Variants in DCP1B observed in about 807,000 individuals in gnomAD.
The protein encoded by DCP1B is mRNA-decapping enzyme 1B.
Under a neutral mutation model 60.5 loss-of-function variants are expected in DCP1B, and 47 were observed. The ratio of observed to expected loss-of-function variants is 0.78; its 90% CI spans 0.61 to 0.99. The LOEUF is 0.99. DCP1B is among the 50% of genes least tolerant of loss of function. The probability of loss-of-function intolerance (pLI) is 0.00; values close to 1 mark genes in which losing one functional copy is unlikely to be tolerated. For synonymous variants in DCP1B, 267 were observed against 280.3 expected (o/e 0.95, Z 0.47); for missense variants, 725 against 756.8 (o/e 0.96, Z 0.49).
chr12:1,955,451 CGCTGTT>C lies in DCP1B; in HGVS notation c.626_631del (p.Gln209_Gln210del). ...CCGTACCTGGTTGGGCTGAGGTATACGCTGTTGCTGGTTTTCACTGGGTTTCACTGG... is the reference window on the plus strand; with the variant it reads ...CCGTACCTGGTTGGGCTGAGGTATACGCTGGTTTTCACTGGGTTTCACTGG... On this transcript the variant is annotated inframe_deletion, in exon 6 of 9. Coordinates refer to ENST00000280665, the MANE Select transcript of DCP1B (RefSeq NM_152640.5). 6.2e-7 allele frequency: 1 copy of C among 1,613,478 alleles called. No individual in the cohort carries two copies.
rs897234427 is a variant in DCP1B, at chr12:1,953,399, T to C, written c.652-111A>G. On this transcript the variant is annotated intron_variant, in intron 6 of 8. Coordinates refer to ENST00000280665, the MANE Select transcript of DCP1B (RefSeq NM_152640.5). The stretch of plus-strand genomic sequence containing the variant: ...CTTATTCTATTTACAAAGGATTGAT[T>C]AGAGAGAATGAAAAATAATAATAAT... 7 of 1,230,862 alleles carry C rather than the reference T, an allele frequency of 5.7e-6. No homozygotes were observed. The African/African-American group carries it at 1.1e-4, about 19-fold the overall frequency. The allele number at this position is 1,230,862 out of a possible 1,614,324, so 76.2% of individuals were successfully genotyped here.
Position 1,949,076 on chromosome 12 carries a change from G to A in DCP1B, c.1773+10C>T, listed in dbSNP as rs372610087. ...GGTCAGGTGCGAAGGGAGATGACGT[G>A]CTTGCTTACCTGAATGAGGTACAGC... On this transcript the variant is annotated intron_variant, in intron 8 of 8. Coordinates refer to ENST00000280665, the MANE Select transcript of DCP1B (RefSeq NM_152640.5). The A allele has an allele frequency of 8.7e-6, 14 of 1,607,884 alleles. No individual in the cohort carries two copies. Among genetic ancestry groups the A allele is most frequent in the Non-Finnish European group, 9.4e-6 (11 of 1,174,960 alleles).
intron 3 of DCP1B, among the ~76,000 whole-genome samples, chr12:1,987,564 G>C (rs564533716): frequency 6.6e-6 from 1 of 151,986 alleles, no homozygotes; most frequent in South Asian, 2.1e-4. Context: ...TTACATCTAC[G>C]ACAGTTCTTT....
At chr12:1,995,054 C>T (rs2040466498) in intron 2 of DCP1B, among the ~76,000 whole-genome samples, 1 of 152,022 alleles carries the variant, frequency 6.6e-6, no homozygotes, top group South Asian at 2.1e-4. Flanking sequence ...GGAGAAAAGA[C>T]TAAAAAACAG....
Position 1,996,658 on chromosome 12 carries a change from AC to A in DCP1B, c.191+1276del, listed in dbSNP as rs1327089884. 4.7e-3 allele frequency among the ~76,000 whole-genome samples: 351 copies of A among 73,966 alleles called. 27 individuals carry two copies. The highest frequency in any genetic ancestry group is 6.3e-3 in the Non-Finnish European group (231 of 36,774). 48.5% of individuals were successfully genotyped at this position (73,966 alleles called of 152,430 possible). On this transcript the variant is annotated intron_variant, in intron 2 of 8. Transcript: ENST00000280665. Reference sequence around the variant, plus strand: ...AAAAAAAAAAAAAAAAAAAAAAACAACAAACTCTTCTAATGTTTTAAAGAAG... The same window carrying A: ...AAAAAAAAAAAAAAAAAAAAAAACAAAAACTCTTCTAATGTTTTAAAGAAG...
At chr12:1,980,390 G>A (rs1248860831) in intron 3 of DCP1B, among the ~76,000 whole-genome samples, 4 of 151,988 alleles carry the variant, frequency 2.6e-5, no homozygotes, top group East Asian at 3.9e-4. Flanking sequence ...TTTTAAAAGC[G>A]TCTTTTCAAA....
At chr12:1,964,116 T>A (rs990484037) in intron 5 of DCP1B, among the ~76,000 whole-genome samples, 1 of 152,170 alleles carries the variant, frequency 6.6e-6, no homozygotes, top group Non-Finnish European at 1.5e-5. Flanking sequence ...TTGCAGTTCT[T>A]TTTGTCCTTA....
At chr12:1,944,995 C>A (rs979585078), downstream of DCP1B, among the ~76,000 whole-genome samples, 1 of 152,132 alleles carries the variant, frequency 6.6e-6, no homozygotes, top group Non-Finnish European at 1.5e-5. Context: ...AATGAACAGG[C>A]AACCTACAGA....
chr12:1,977,383 C>T (rs1419572210), intron 3 of DCP1B, among the ~76,000 whole-genome samples: 1 of 152,150 alleles, frequency 6.6e-6, no homozygotes, highest in African/African-American at 2.4e-5. Flanking sequence ...TTGGAAAGCT[C>T]GACAACTTTG....
chr12:1,946,159 C>T lies in DCP1B; in HGVS notation c.*47G>A, dbSNP rs774942946. The T allele has an allele frequency of 1.4e-5, 19 of 1,393,044 alleles. No individual in the cohort carries two copies. Among genetic ancestry groups the T allele is most frequent in the South Asian group, 6.2e-5 (4 of 64,842 alleles). 86.3% of individuals were successfully genotyped at this position (1,393,044 alleles called of 1,614,324 possible). On this transcript the variant is annotated 3_prime_UTR_variant, in exon 9 of 9. Coordinates refer to ENST00000280665, the MANE Select transcript of DCP1B (RefSeq NM_152640.5). ...CACTCAACATGAAAGAACCTTGTGC[C>T]GGAGTTCTAGAAGGACCTTGAAAAT...
At chr12:2,002,717 G>C (rs907966332) in intron 1 of DCP1B, among the ~76,000 whole-genome samples, 1 of 152,048 alleles carries the variant, frequency 6.6e-6, no homozygotes, top group Non-Finnish European at 1.5e-5. Flanking sequence ...TACATCCCTG[G>C]TCCTCATCTC....
chr12:1,947,085 A>C (rs1271686996), intron 8 of DCP1B, among the ~76,000 whole-genome samples: 1 of 152,196 alleles, frequency 6.6e-6, no homozygotes, highest in African/African-American at 2.4e-5. Context: ...TACTTCATCA[A>C]AGCTAATATA....
At chr12:1,980,997 T>C (rs992808156) in intron 3 of DCP1B, among the ~76,000 whole-genome samples, 1 of 152,126 alleles carries the variant, frequency 6.6e-6, no homozygotes, top group African/African-American at 2.4e-5. Context: ...AAAATTTATA[T>C]TATATATATG....
At chr12:1,983,705 C>T (rs2036816409) in intron 3 of DCP1B, among the ~76,000 whole-genome samples, 1 of 151,960 alleles carries the variant, frequency 6.6e-6, no homozygotes, top group African/African-American at 2.4e-5. Context: ...TGCTGTCATT[C>T]GATAGAATAT....
chr12:1,949,009 G>T, intron 8 of DCP1B, 77 bp downstream of exon 8: 1 of 1,554,304 alleles, frequency 6.4e-7, no homozygotes. Flanking sequence ...GGCCTTGGCT[G>T]AGTCTTTATC....
intron 3 of DCP1B, chr12:1,991,940 G>C (rs1254245108): frequency 5.6e-6 from 1 of 177,724 alleles, no homozygotes; most frequent in African/African-American, 2.4e-5. Context: ...ATTTTATTAG[G>C]ACTTAAATTA....
At chr12:1,959,087 CA>C (rs1190039908) in intron 5 of DCP1B, among the ~76,000 whole-genome samples, 2 of 149,208 alleles carry the variant, frequency 1.3e-5, no homozygotes, top group African/African-American at 5.0e-5. Flanking sequence ...TGGAAGGAAA[CA>C]GGGGGAAAGC....
In DCP1B at chr12:1,952,549, T is replaced by G; in HGVS notation, c.1391A>C (p.Gln464Pro). Reference protein sequence around the residue: ...KKLQIVQQEQQLHASNRPALA... With the variant: ...KKLQIVQQEQPLHASNRPALA... Reference sequence around the variant, plus strand: ...GGCTGGCCGGTTAGAGGCATGCAGCTGCTGCTCCTGCTGTACAATCTGAAG... The same window carrying G: ...GGCTGGCCGGTTAGAGGCATGCAGCGGCTGCTCCTGCTGTACAATCTGAAG... The change falls in exon 7 of 9, where the codon CAG becomes CCG. Residue 464 changes from glutamine (Q) to proline (P), a missense_variant. Physicochemically the swap from Gln to Pro is moderately conservative, Grantham distance 76. Coordinates refer to ENST00000280665, the MANE Select transcript of DCP1B (RefSeq NM_152640.5). 1 of 1,614,232 alleles carries G rather than the reference T, an allele frequency of 6.2e-7. No individual in the cohort carries two copies. The highest frequency in any genetic ancestry group is 8.5e-7 in the Non-Finnish European group (1 of 1,180,038).
rs563716070 is a variant in DCP1B, at chr12:1,952,398, C to T, written c.1524+18G>A. The T allele has an allele frequency of 4.6e-5, 70 of 1,537,168 alleles. No homozygotes were observed. The South Asian group carries it at 7.8e-4, about 17-fold the overall frequency. On this transcript the variant is annotated intron_variant, in intron 7 of 8. Coordinates refer to ENST00000280665, the MANE Select transcript of DCP1B (RefSeq NM_152640.5). ...ATGCTGCCCAGGCTGTTTTATTTTG[C>T]CCCTGGTACATATTTACCTGGAAAA...
Sources: gnomAD v4.1 joint callset for allele counts (sites outside exome capture counted in the v4.1 genomes callset) on GRCh38, gnomAD v4.1.1 for gene constraint, MANE v1.5 for transcripts, NCBI Gene and HGNC (gene_info 2026-07-23, HGNC 2026-07-21) for gene names.